The following NFIC variants were observed in gnomAD, a reference collection of about 807,000 sequenced individuals.
NFIC encodes the protein nuclear factor 1 C-type.
In NFIC, 12 loss-of-function variants were observed where a neutral mutation model predicts 54.4. That is an observed-to-expected ratio of 0.22 (90% CI 0.14 to 0.36). The LOEUF (loss-of-function observed/expected upper bound fraction) is 0.36, where lower values mean the gene tolerates loss of function less well. NFIC is among the 10% of genes least tolerant of loss of function. The probability of loss-of-function intolerance (pLI) is 1.00; values close to 1 mark genes in which losing one functional copy is unlikely to be tolerated. For synonymous variants in NFIC, 322 were observed against 319.2 expected (o/e 1.01, Z -0.09); for missense variants, 575 against 718.2 (o/e 0.80, Z 2.28).
intron 6 of NFIC, among the ~76,000 whole-genome samples, chr19:3,438,651 A>G (rs2082244669): frequency 6.6e-6 from 1 of 151,688 alleles, no homozygotes; most frequent in South Asian, 2.1e-4. Flanking sequence ...GTTAGCCAGG[A>G]TGGTCTCGAT....
At chr19:3,434,936 C>G (rs980724269) in intron 5 of NFIC, 147 bp from the exon 6 acceptor site, 3 of 1,135,256 alleles carry the variant, frequency 2.6e-6, no homozygotes, top group Non-Finnish European at 3.7e-6. Context: ...AGGGAACGGG[C>G]TGAACGCCCG....
In NFIC at chr19:3,458,006, T is replaced by A. The variant is rs1402674060; in HGVS notation, c.1509+1371T>A. On this transcript the variant is annotated intron_variant, in intron 10 of 10. Coordinates refer to ENST00000443272, the MANE Select transcript of NFIC (RefSeq NM_001245002.2). The surrounding 1 kb of genome is among the most constrained non-coding windows in gnomAD (Gnocchi z 4.1). ...AGGGGCCAGGGCTCCAGCCCAGTGCTGGCTCACCCACTCTGAACCTCTGTC... is the reference window on the plus strand; with the variant it reads ...AGGGGCCAGGGCTCCAGCCCAGTGCAGGCTCACCCACTCTGAACCTCTGTC... 1.3e-5 allele frequency: 2 copies of A among 152,326 alleles called. No individual in the cohort carries two copies. The allele number at this position is 152,326 out of a possible 1,614,324, so 9.4% of individuals were successfully genotyped here.
chr19:3,404,691 C>T (rs1190010529), intron 2 of NFIC, among the ~76,000 whole-genome samples: 1 of 152,174 alleles, frequency 6.6e-6, no homozygotes, highest in Non-Finnish European at 1.5e-5. Context: ...GCCGGAGAAA[C>T]ATCTGGAACA....
Position 3,452,700 on chromosome 19 carries a change from G to C in NFIC, c.1269+34G>C. ...GGCGGGGCGCATTCGGGCCTCTCCT[G>C]GCGGCTCCAGGTGACCTCCCGGGGG... On this transcript the variant is annotated intron_variant, in intron 8 of 10. Transcript: ENST00000443272. The surrounding 1 kb of genome is among the most constrained non-coding windows in gnomAD (Gnocchi z 5.3). 2 of 1,552,496 alleles carry C rather than the reference G, an allele frequency of 1.3e-6. No homozygotes were observed. The highest frequency in any genetic ancestry group is 8.7e-7 in the Non-Finnish European group (1 of 1,152,744).
chr19:3,450,621 C>T (rs2082447069), intron 7 of NFIC, among the ~76,000 whole-genome samples: 1 of 152,088 alleles, frequency 6.6e-6, no homozygotes. Flanking sequence ...TGCCATTGCA[C>T]TCCAGCCTGG....
intron 2 of NFIC, among the ~76,000 whole-genome samples, chr19:3,403,546 A>G (rs2081590065): frequency 1.3e-5 from 2 of 152,120 alleles, no homozygotes; most frequent in Admixed American, 1.3e-4. Context: ...TCCTGACCCC[A>G]CGCCAAAGCC....
chr19:3,412,994 A>G (rs560406150), intron 2 of NFIC, among the ~76,000 whole-genome samples: 2 of 152,212 alleles, frequency 1.3e-5, no homozygotes, highest in East Asian at 3.9e-4. Flanking sequence ...CAGTGGACAC[A>G]GGGGCTGGAA....
chr19:3,366,458 C>T (rs955139108), upstream of NFIC: 2 of 494,812 alleles, frequency 4.0e-6, no homozygotes, highest in South Asian at 2.8e-5. Flanking sequence ...GCGGGCGGCG[C>T]GAGAGAGGGA....
rs1014209599 is a variant in NFIC at position 3,467,222 on chromosome 19, C to G, written c.*4453C>G. On this transcript the variant is annotated 3_prime_UTR_variant, in exon 11 of 11. Coordinates refer to ENST00000443272, the MANE Select transcript of NFIC (RefSeq NM_001245002.2). ...CCACACCTATGCCAGGCCCCCCCCC[C>G]CACCCCAGTCTCATTCTGGGGTCTG... is the stretch of plus-strand genomic sequence containing the variant. 3.1e-5 allele frequency: 4 copies of G among 129,822 alleles called. No individual in the cohort carries two copies. The South Asian group carries it at 1.3e-3, about 43-fold the overall frequency. The allele number at this position is 129,822 out of a possible 1,614,324, so 8.0% of individuals were successfully genotyped here.
At position 3,452,795 on chromosome 19, in the gene NFIC, C is replaced by T. The variant is rs1358724673; in HGVS notation, c.1269+129C>T. The T allele has an allele frequency of 3.5e-6, 4 of 1,137,058 alleles. No individual in the cohort carries two copies. Among genetic ancestry groups the T allele is most frequent in the Non-Finnish European group, 4.9e-6 (4 of 814,652 alleles). 70.4% of individuals were successfully genotyped at this position (1,137,058 alleles called of 1,614,324 possible). A position where few individuals can be genotyped will look rare whatever the true frequency, so the allele number is the denominator to read the frequency against. ...GAGGACTTGGCTCTGAAGTCCCCTCCTCTGTCGTGCTGGGAGGCAGCTGGA... is the reference window on the plus strand; with the variant it reads ...GAGGACTTGGCTCTGAAGTCCCCTCTTCTGTCGTGCTGGGAGGCAGCTGGA... On this transcript the variant is annotated intron_variant, in intron 8 of 10. Transcript: ENST00000443272. This position sits in a 1 kb window ranked among gnomAD's most constrained non-coding sequence, Gnocchi z 5.3.
chr19:3,456,235 G>T (rs2082552629), intron 9 of NFIC, among the ~76,000 whole-genome samples: 1 of 152,220 alleles, frequency 6.6e-6, no homozygotes, highest in Non-Finnish European at 1.5e-5. Flanking sequence ...TGCCCACCCT[G>T]AATAATTCAC....
intron 2 of NFIC, among the ~76,000 whole-genome samples, chr19:3,382,812 T>C (rs1238537077): frequency 6.7e-6 from 1 of 149,178 alleles, no homozygotes; most frequent in Non-Finnish European, 1.5e-5. Flanking sequence ...AGTGATATGG[T>C]GCAAGGAGCG....
Position 3,464,321 on chromosome 19 carries a change from A to C in NFIC, c.*1552A>C. On this transcript the variant is annotated 3_prime_UTR_variant, in exon 11 of 11. Coordinates refer to ENST00000443272, the MANE Select transcript of NFIC (RefSeq NM_001245002.2). The stretch of plus-strand genomic sequence containing the variant: ...ACCTTGGGGCCCCCCGCAGCCGTGT[A>C]GGGGGCCTCCCATCTGCTAAGCGTT... 1 of 984,864 alleles carries C rather than the reference A, an allele frequency of 1.0e-6. No homozygotes were observed. The highest frequency in any genetic ancestry group is 1.8e-5 in the African/African-American group (1 of 57,126). 61.0% of individuals were successfully genotyped at this position (984,864 alleles called of 1,614,324 possible). A position where few individuals can be genotyped will look rare whatever the true frequency, so the allele number is the denominator to read the frequency against.
At chr19:3,376,955 C>T (rs569650910) in intron 1 of NFIC, among the ~76,000 whole-genome samples, 3 of 151,918 alleles carry the variant, frequency 2.0e-5, no homozygotes, top group African/African-American at 7.2e-5. Context: ...ATCTCAAACT[C>T]CTGACCTCAG....
intron 9 of NFIC, among the ~76,000 whole-genome samples, chr19:3,455,618 G>A (rs764285688): frequency 1.3e-5 from 2 of 151,320 alleles, no homozygotes; most frequent in Non-Finnish European, 2.9e-5. Context: ...GATCCACTCA[G>A]GGCTCGATGA....
chr19:3,402,045 AT>A (rs34979069), intron 2 of NFIC, among the ~76,000 whole-genome samples: 21,530 of 137,216 alleles, frequency 0.16, 1,973 homozygotes, highest in African/African-American at 0.28. Flanking sequence ...TTTCTTTCTT[AT>A]TTTTTTTTCT....
chr19:3,449,093 C>T lies in NFIC; in HGVS notation c.1038C>T (p.Leu346=), dbSNP rs778364214. ...NSPSPQDSPR[L]SSFTQHHRPV... The stretch of plus-strand genomic sequence containing the variant: ...CGTCCCCCCAGGACTCTCCCCGCCT[C>T]TCCAGCTTCACCCAGCACCACCGGC... The change falls in exon 7 of 11, where the codon CTC becomes CTT. Residue 346 remains leucine (L), a synonymous_variant. Transcript: ENST00000443272. The T allele has an allele frequency of 5.6e-6, 9 of 1,613,764 alleles. No individual in the cohort carries two copies. In the African/African-American group the frequency reaches 1.1e-4, roughly 19 times the overall value.
At position 3,464,594 on chromosome 19, in the gene NFIC, C is replaced by A; in HGVS notation, c.*1825C>A. The A allele has an allele frequency of 1.0e-6, 1 of 970,114 alleles. No homozygotes were observed. The highest frequency in any genetic ancestry group is 1.2e-6 in the Non-Finnish European group (1 of 816,646). The allele number at this position is 970,114 out of a possible 1,614,324, so 60.1% of individuals were successfully genotyped here. On this transcript the variant is annotated 3_prime_UTR_variant, in exon 11 of 11. Transcript: ENST00000443272. ...AACTCCCCCCACCACTGCCCCCTCC[C>A]CCGACCCAGGCCAAAGCCAGGGCAG...
At chr19:3,406,367 T>G (rs2081648699) in intron 2 of NFIC, among the ~76,000 whole-genome samples, 1 of 125,440 alleles carries the variant, frequency 8.0e-6, no homozygotes, top group Admixed American at 7.8e-5. Context: ...GTGCTGGGAT[T>G]ACAGGCATGA....
Sources: gnomAD v4.1 joint callset for allele counts (sites outside exome capture counted in the v4.1 genomes callset) on GRCh38, gnomAD v4.1.1 for gene constraint, Gnocchi (gnomAD v3.1) non-coding constraint, MANE v1.5 for transcripts, NCBI Gene and HGNC (gene_info 2026-07-23, HGNC 2026-07-21) for gene names.